Variants in IMPG2 observed in about 807,000 individuals in gnomAD.
IMPG2 encodes interphotoreceptor matrix proteoglycan 2, also known as IPM 200.
In IMPG2, 91 loss-of-function variants were observed where a neutral mutation model predicts 129.2. The ratio of observed to expected loss-of-function variants is 0.70; its 90% CI spans 0.59 to 0.84. The LOEUF (loss-of-function observed/expected upper bound fraction) is 0.84. Ranked by LOEUF, IMPG2 falls within the 40% of genes least tolerant of loss-of-function variation. The pLI is 0.00. For missense variants in IMPG2, 1,430 were observed against 1,461.7 expected (o/e 0.98, Z 0.35); for synonymous variants, 510 against 517.7 (o/e 0.99, Z 0.20).
Position 101,244,806 on chromosome 3 carries a change from A to T in IMPG2, c.1544-19T>A. The stretch of plus-strand genomic sequence containing the variant: ...GCTAATCCTAAAAATAAAGTTTTCC[A>T]TTAATTAATCTACAGAGTTGCCAAA... On this transcript the variant is annotated intron_variant, in intron 12 of 18. Coordinates refer to ENST00000193391, the MANE Select transcript of IMPG2 (RefSeq NM_016247.4). The T allele has an allele frequency of 6.2e-7, 1 of 1,606,898 alleles. No individual in the cohort carries two copies. Among genetic ancestry groups the T allele is most frequent in the Non-Finnish European group, 8.5e-7 (1 of 1,174,396 alleles).
chr3:101,290,215 A>C (rs530020156), intron 4 of IMPG2, among the ~76,000 whole-genome samples: 1 of 152,250 alleles, frequency 6.6e-6, no homozygotes, highest in South Asian at 2.1e-4. Flanking sequence ...TGAAGAAACC[A>C]CACCCGGCCA....
Position 101,231,159 on chromosome 3 carries a change from T to A in IMPG2, c.3234-14A>T. On this transcript the variant is annotated splice_polypyrimidine_tract_variant and intron_variant, in intron 15 of 18. Transcript: ENST00000193391. ...CCCACCCGGCACCTGCAACCAACAG[T>A]CACCAAGTCCGATATCTGAATCACT... is the stretch of plus-strand genomic sequence containing the variant. 1 of 1,613,438 alleles carries A rather than the reference T, an allele frequency of 6.2e-7. No homozygotes were observed.
At chr3:101,300,620 C>G (rs1707130338) in intron 3 of IMPG2, among the ~76,000 whole-genome samples, 2 of 152,230 alleles carry the variant, frequency 1.3e-5, no homozygotes, top group Admixed American at 1.3e-4. Context: ...CACTGCCTCC[C>G]TTGGCTGGGG....
At chr3:101,311,207 G>A (rs1489029315) in intron 2 of IMPG2, among the ~76,000 whole-genome samples, 1 of 151,610 alleles carries the variant, frequency 6.6e-6, no homozygotes, top group African/African-American at 2.4e-5. Context: ...AAAATCAGTG[G>A]TTCTAACCAG....
At chr3:101,276,848 C>A in intron 4 of IMPG2, 135 bp from the exon 5 acceptor site, 1 of 658,044 alleles carries the variant, frequency 1.5e-6, no homozygotes, top group South Asian at 1.8e-5. Flanking sequence ...TACCAAAAAG[C>A]AAAGTTTTTT....
At chr3:101,276,532 T>C in intron 5 of IMPG2, 132 bp downstream of exon 5, 2 of 687,176 alleles carry the variant, frequency 2.9e-6, no homozygotes, top group Non-Finnish European at 5.1e-6. Context: ...CTTGAGACTC[T>C]TGAAAAACGT....
intron 9 of IMPG2, among the ~76,000 whole-genome samples, chr3:101,262,536 T>A (rs993603677): frequency 6.6e-6 from 1 of 151,882 alleles, no homozygotes; most frequent in African/African-American, 2.4e-5. Flanking sequence ...CAATTCTGGG[T>A]GACATCACTA....
intron 4 of IMPG2, among the ~76,000 whole-genome samples, chr3:101,281,400 C>T (rs917379434): frequency 6.6e-6 from 1 of 152,058 alleles, no homozygotes; most frequent in Non-Finnish European, 1.5e-5. Context: ...CAATGACAGG[C>T]AGAGGTTTCT....
Position 101,228,971 on chromosome 3 carries a change from A to T in IMPG2, c.3634-95T>A, listed in dbSNP as rs926650850. The T allele has an allele frequency of 1.9e-5, 17 of 886,370 alleles. No individual in the cohort carries two copies. The African/African-American group carries it at 2.6e-4, about 14-fold the overall frequency. 54.9% of individuals were successfully genotyped at this position (886,370 alleles called of 1,614,324 possible). On this transcript the variant is annotated intron_variant, in intron 17 of 18. Coordinates refer to ENST00000193391, the MANE Select transcript of IMPG2 (RefSeq NM_016247.4). ...TCTAATTTTCATAAGGAATTGTTAC[A>T]TTCTGGGCTATTCAGAAGTATGCTA...
intron 4 of IMPG2, among the ~76,000 whole-genome samples, chr3:101,282,689 GAACA>G (rs560747618): frequency 6.6e-4 from 101 of 152,152 alleles, no homozygotes; most frequent in Non-Finnish European, 1.1e-3. Flanking sequence ...AACACTAGAT[GAACA>G]AACAAAACCA....
rs1333793760 is a variant in IMPG2 at position 101,243,706 on chromosome 3, T to C, written c.2625A>G (p.Thr875=). 1.2e-6 allele frequency: 2 copies of C among 1,614,048 alleles called. No homozygotes were observed. The highest frequency in any genetic ancestry group is 2.2e-5 in the South Asian group (2 of 91,062). ...TGGGCCAAGCCACACTAACCATCTC[T>C]GTGGAGTGAACACTTGTTGACATTT... is the stretch of plus-strand genomic sequence containing the variant. ...YVEMSTSVHS[T]EMVSVAWPTE... The change falls in exon 13 of 19, where the codon ACA becomes ACG. Residue 875 remains threonine (T), a synonymous_variant. Coordinates refer to ENST00000193391, the MANE Select transcript of IMPG2 (RefSeq NM_016247.4).
At chr3:101,229,265 A>T (rs1047628158) in intron 17 of IMPG2, 115 bp downstream of exon 17, 5 of 883,210 alleles carry the variant, frequency 5.7e-6, no homozygotes, top group Non-Finnish European at 7.4e-6. Context: ...ACACTTTCTT[A>T]AAGTCCATGT....
rs1352813845 is a variant in IMPG2, at chr3:101,225,866, G to A, written c.*1103C>T. 4 of 152,258 alleles carry A rather than the reference G, an allele frequency of 2.6e-5. No homozygotes were observed. Among genetic ancestry groups the A allele is most frequent in the Admixed American group, 6.5e-5 (1 of 15,276 alleles). 9.4% of individuals were successfully genotyped at this position (152,258 alleles called of 1,614,324 possible). A position where few individuals can be genotyped will look rare whatever the true frequency, so the allele number is the denominator to read the frequency against. Reference sequence around the variant, plus strand: ...TTCTGTCAAAATTTATATAAGGTATGGACTTCCTATCTGTTCAGTTTTTAA... The same window carrying A: ...TTCTGTCAAAATTTATATAAGGTATAGACTTCCTATCTGTTCAGTTTTTAA... On this transcript the variant is annotated 3_prime_UTR_variant, in exon 19 of 19. Transcript: ENST00000193391.
At chr3:101,248,569 C>T (rs1392848902) in intron 11 of IMPG2, among the ~76,000 whole-genome samples, 1 of 152,170 alleles carries the variant, frequency 6.6e-6, no homozygotes, top group African/African-American at 2.4e-5. Context: ...CTCCCAATCA[C>T]AGAGGAGGGA....
intron 3 of IMPG2, among the ~76,000 whole-genome samples, chr3:101,299,712 T>G (rs534720581): frequency 4.7e-4 from 71 of 152,280 alleles, no homozygotes; most frequent in African/African-American, 1.7e-3. Flanking sequence ...ACTCATCTGG[T>G]TCATTCCCAT....
At position 101,224,011 on chromosome 3, in the gene IMPG2, G is replaced by A. The variant is rs778830668; in HGVS notation, c.*2958C>T. On this transcript the variant is annotated 3_prime_UTR_variant, in exon 19 of 19. Transcript: ENST00000193391. The stretch of plus-strand genomic sequence containing the variant: ...AATATAAAAATTAGCTGGGCATGGT[G>A]GTGGGTGTCTGTAACCCCAGCTACT... 2 of 152,150 alleles carry A rather than the reference G, an allele frequency of 1.3e-5. No homozygotes were observed. The highest frequency in any genetic ancestry group is 6.5e-5 in the Admixed American group (1 of 15,272). 9.4% of individuals were successfully genotyped at this position (152,150 alleles called of 1,614,324 possible).
chr3:101,237,870 G>A (rs1014498213), intron 14 of IMPG2, among the ~76,000 whole-genome samples: 2 of 152,048 alleles, frequency 1.3e-5, no homozygotes, highest in South Asian at 2.1e-4. Context: ...TGGAGAATGA[G>A]TTTGATGAAG....
chr3:101,313,834 G>A (rs1204019482), intron 2 of IMPG2, among the ~76,000 whole-genome samples: 1 of 152,024 alleles, frequency 6.6e-6, no homozygotes, highest in Non-Finnish European at 1.5e-5. Context: ...TATGTAGAAA[G>A]CCCTAAGGAA....
chr3:101,230,019 C>A (rs543070143), intron 16 of IMPG2, among the ~76,000 whole-genome samples: 1 of 152,302 alleles, frequency 6.6e-6, no homozygotes, highest in East Asian at 1.9e-4. Flanking sequence ...AAATTCAACT[C>A]AGGTCTACAC....
Sources: gnomAD v4.1 joint callset for allele counts (sites outside exome capture counted in the v4.1 genomes callset) on GRCh38, gnomAD v4.1.1 for gene constraint, MANE v1.5 for transcripts, NCBI Gene and HGNC (gene_info 2026-07-23, HGNC 2026-07-21) for gene names.